Variants in KRAS observed in about 807,000 individuals in gnomAD.
KRAS encodes the protein GTPase KRas.
Under a neutral mutation model 21.0 loss-of-function variants are expected in KRAS, and 1 was observed. The ratio of observed to expected loss-of-function variants is 0.05; its 90% confidence interval spans 0.02 to 0.23. The LOEUF is 0.23. Among genes scored for constraint, KRAS ranks in the 10% least tolerant of loss-of-function variants. KRAS has a pLI of 1.00. For missense variants in KRAS, 107 were observed against 221.8 expected (o/e 0.48, Z 3.29); for synonymous variants, 67 against 72.5 (o/e 0.92, Z 0.39).
At chr12:25,217,598 C>T (rs957140501) in intron 4 of KRAS, among the ~76,000 whole-genome samples, 1 of 152,144 alleles carries the variant, frequency 6.6e-6, no homozygotes, top group Non-Finnish European at 1.5e-5. Context: ...CAACTACATT[C>T]GTTGGCACTT....
At chr12:25,239,237 C>T (rs1276992111) in intron 2 of KRAS, among the ~76,000 whole-genome samples, 1 of 151,824 alleles carries the variant, frequency 6.6e-6, no homozygotes. Flanking sequence ...TGTGTGTTTG[C>T]TTTTCTCTAA....
chr12:25,233,021 T>A (rs1001364149), intron 2 of KRAS, among the ~76,000 whole-genome samples: 1 of 152,204 alleles, frequency 6.6e-6, no homozygotes, highest in Non-Finnish European at 1.5e-5. Context: ...CATCCTAAAA[T>A]GTCTTACAAA....
chr12:25,215,091 T>TAAAA (rs775121370), intron 4 of KRAS: 62 of 87,694 alleles, frequency 7.1e-4, no homozygotes, highest in Middle Eastern at 8.8e-3. Flanking sequence ...TTCTCCCTAC[T>TAAAA]AAAAAAAAAA....
At chr12:25,240,745 G>A (rs1951600106) in intron 2 of KRAS, among the ~76,000 whole-genome samples, 1 of 151,772 alleles carries the variant, frequency 6.6e-6, no homozygotes, top group South Asian at 2.1e-4. Context: ...ACTTCCATTT[G>A]TATGTTTTTA....
intron 2 of KRAS, among the ~76,000 whole-genome samples, chr12:25,241,167 CTACT>C (rs1951605089): frequency 6.6e-6 from 1 of 152,120 alleles, no homozygotes; most frequent in Admixed American, 6.6e-5. Flanking sequence ...CTATACTCAC[CTACT>C]TAGTTAGGCC....
intron 4 of KRAS, chr12:25,215,664 T>C (rs1374062818): frequency 1.0e-6 from 1 of 976,336 alleles, no homozygotes; most frequent in Non-Finnish European, 1.6e-6. Context: ...TTGAGATTTT[T>C]TTTTTTTTAA....
chr12:25,250,621 CCCGCGCCCGCG>C, intron 1 of KRAS, 119 bp downstream of exon 1: 1 of 167,424 alleles, frequency 6.0e-6, no homozygotes, highest in Non-Finnish European at 1.3e-5. Flanking sequence ...CCGCCCCGAC[CCCGCGCCCGCG>C]CCCCCCACCC....
At chr12:25,228,177 T>C (rs886196684) in intron 2 of KRAS, among the ~76,000 whole-genome samples, 2 of 120,448 alleles carry the variant, frequency 1.7e-5, no homozygotes, top group African/African-American at 6.1e-5. Flanking sequence ...TTTTCTTTCA[T>C]CTTTTTTTTT....
intron 2 of KRAS, among the ~76,000 whole-genome samples, chr12:25,229,808 G>A (rs902764730): frequency 2.7e-5 from 4 of 146,262 alleles, no homozygotes; most frequent in East Asian, 2.0e-4. Context: ...TCGCTCTGTC[G>A]CCCAGGCTGG....
rs962378964 is a variant in KRAS, at chr12:25,209,144, A to G, written c.*651T>C. 3.5e-5 allele frequency: 22 copies of G among 636,368 alleles called. 1 individual carries two copies. The highest frequency in any genetic ancestry group is 4.1e-4 in the Middle Eastern group (1 of 2,450). 39.4% of individuals were successfully genotyped at this position (636,368 alleles called of 1,614,324 possible). On this transcript the variant is annotated 3_prime_UTR_variant, in exon 5 of 5. Coordinates refer to ENST00000311936, the MANE Select transcript of KRAS (RefSeq NM_004985.5). ...TCTAATGTGAAAAGGAAATGGCCTT[A>G]TAATAGTTTCCATTGCCTTGTAATT...
chr12:25,247,588 C>A (rs1471726248), intron 1 of KRAS, among the ~76,000 whole-genome samples: 1 of 152,208 alleles, frequency 6.6e-6, no homozygotes, highest in Non-Finnish European at 1.5e-5. Flanking sequence ...CAACCTCCCC[C>A]CAACCAGTTT....
intron 2 of KRAS, chr12:25,234,387 C>A: frequency 5.5e-6 from 1 of 181,320 alleles, no homozygotes; most frequent in Non-Finnish European, 1.2e-5. Context: ...CTGGTTGGTA[C>A]ACACATGAGG....
At chr12:25,225,372 T>C (rs961254722) in intron 4 of KRAS, 1 of 273,556 alleles carries the variant, frequency 3.7e-6, no homozygotes, top group African/African-American at 2.3e-5. Flanking sequence ...CCTCTTGAAT[T>C]CTAAATGTTA....
In KRAS at chr12:25,209,642, C is replaced by A; in HGVS notation, c.*153G>T. 1 of 1,365,206 alleles carries A rather than the reference C, an allele frequency of 7.3e-7. No homozygotes were observed. Among genetic ancestry groups the A allele is most frequent in the South Asian group, 1.9e-5 (1 of 52,252 alleles). 84.6% of individuals were successfully genotyped at this position (1,365,206 alleles called of 1,614,324 possible). On this transcript the variant is annotated 3_prime_UTR_variant, in exon 5 of 5. Coordinates refer to ENST00000311936, the MANE Select transcript of KRAS (RefSeq NM_004985.5). ...TAGAGGAAAAAAAAACTTCCACTGT[C>A]ATTTTAAAATAAGCATTTAAGGTAA... is the stretch of plus-strand genomic sequence containing the variant.
chr12:25,205,666 A>G lies in KRAS; in HGVS notation c.*4129T>C. ...TGGAAACTTTCGGATAAAACACTGT[A>G]ACCCAGTTAGCTCTGTGGGGGTGTG... On this transcript the variant is annotated 3_prime_UTR_variant, in exon 5 of 5. Transcript: ENST00000311936. 1 of 225,690 alleles carries G rather than the reference A, an allele frequency of 4.4e-6. No homozygotes were observed. Among genetic ancestry groups the G allele is most frequent in the Non-Finnish European group, 8.8e-6 (1 of 113,212 alleles). 14.0% of individuals were successfully genotyped at this position (225,690 alleles called of 1,614,324 possible).
At chr12:25,225,924 GTTATT>G (rs1018770512) in intron 3 of KRAS, 151 bp from the exon 4 acceptor site, 2 of 674,406 alleles carry the variant, frequency 3.0e-6, no homozygotes, top group African/African-American at 3.6e-5. Flanking sequence ...TCTTCTACTA[GTTATT>G]TTGTTTCTTT....
At chr12:25,239,554 C>T (rs1480203316) in intron 2 of KRAS, among the ~76,000 whole-genome samples, 1 of 152,122 alleles carries the variant, frequency 6.6e-6, no homozygotes, top group Non-Finnish European at 1.5e-5. Flanking sequence ...ATTTTTATTT[C>T]ACAAGTGTAT....
At chr12:25,245,220 C>G (rs1028686223) in intron 2 of KRAS, 54 bp downstream of exon 2, 30 of 1,540,232 alleles carry the variant, frequency 1.9e-5, no homozygotes, top group Non-Finnish European at 2.6e-5. Context: ...AAACCTTTAT[C>G]TGTATCAAAG....
intron 1 of KRAS, among the ~76,000 whole-genome samples, chr12:25,248,278 T>A (rs1039805596): frequency 6.6e-6 from 1 of 152,118 alleles, no homozygotes; most frequent in South Asian, 2.1e-4. Flanking sequence ...CTGGCCAACA[T>A]GGTGAAATCC....
Sources: allele counts gnomAD v4.1 joint callset (sites outside exome capture counted in the v4.1 genomes callset), GRCh38; gene constraint gnomAD v4.1.1; transcripts MANE v1.5; gene names NCBI Gene and HGNC (gene_info 2026-07-23, HGNC 2026-07-21).